Variants in ZBED6 observed in about 807,000 individuals in gnomAD.
The protein encoded by ZBED6 is zinc finger BED-type containing 6, also known as zinc finger BED domain-containing protein 6.
Under a neutral mutation model 58.4 loss-of-function variants are expected in ZBED6, and 40 were observed. The observed-to-expected ratio is 0.68, with a 90% CI of 0.53 to 0.89. The LOEUF (loss-of-function observed/expected upper bound fraction) is 0.89. ZBED6 is among the 40% of genes least tolerant of loss of function. The pLI is 0.00. For synonymous variants in ZBED6, 439 were observed against 350.6 expected, an observed-to-expected ratio of 1.25 and a Z score of -2.82; for missense variants, 1,057 against 1,003.9, an observed-to-expected ratio of 1.05 and a Z score of -0.71.
At position 203,809,481 on chromosome 1, in the gene ZBED6, CTT is replaced by C. The variant is rs556683369; in HGVS notation, c.*2554+6470_*2554+6471del. On this transcript the variant is annotated intron_variant, in intron 1 of 16. Coordinates refer to ENST00000550078, the Ensembl canonical transcript of ZBED6. The stretch of plus-strand genomic sequence containing the variant: ...CTGAGCCACCGCACCCAGCCCCACT[CTT>C]TTTTCATAGTGGTATGTTCATTTGT... 3.5e-4 allele frequency among the ~76,000 whole-genome samples: 54 copies of C among 152,154 alleles called. No homozygotes were observed. The South Asian group carries it at 0.01, about 29-fold the overall frequency.
exon 8 of ZBED6, chr1:203,831,763 C>G: frequency 1.2e-6 from 2 of 1,611,360 alleles, no homozygotes; most frequent in Non-Finnish European, 8.5e-7. Flanking sequence ...ACTCTCTCCA[C>G]CAAACAAGGT....
exon 1 of ZBED6, chr1:203,800,521 T>A (rs1670242837): frequency 7.8e-6 from 11 of 1,401,714 alleles, no homozygotes; most frequent in African/African-American, 1.5e-5. Context: ...TCTTAATAGC[T>A]GTAGTTGTTA....
chr1:203,849,344 A>G (rs557931349), intron 13 of ZBED6, among the ~76,000 whole-genome samples: 1 of 152,352 alleles, frequency 6.6e-6, no homozygotes, highest in South Asian at 2.1e-4. Context: ...TACTGACCAC[A>G]TGATTCTCCA....
intron 8 of ZBED6, among the ~76,000 whole-genome samples, 196 bp downstream of exon 8, chr1:203,831,967 C>T (rs1220059040): frequency 1.3e-5 from 2 of 152,176 alleles, no homozygotes; most frequent in African/African-American, 2.4e-5. Context: ...AAGCAGCCCT[C>T]ACATATATTT....
chr1:203,816,053 C>G (rs11799648), intron 1 of ZBED6, among the ~76,000 whole-genome samples: 1 of 152,090 alleles, frequency 6.6e-6, no homozygotes, highest in Non-Finnish European at 1.5e-5. Flanking sequence ...TAAGCTAGAT[C>G]GATAGACCTT....
rs1249303070 is a variant in ZBED6, at chr1:203,809,702, C to T, written c.*2554+6686C>T. Among the ~76,000 whole-genome samples, 4 of 152,072 alleles carry T rather than the reference C, an allele frequency of 2.6e-5. No individual in the cohort carries two copies. In the East Asian group the frequency reaches 7.7e-4, roughly 29 times the overall value. On this transcript the variant is annotated intron_variant, in intron 1 of 16. Transcript: ENST00000550078. Reference sequence around the variant, plus strand: ...GGTGCGGTGGCTCACGGCTGTAATCCTAGCACTTTGTGAGGCTGAGATGGG... The same window carrying T: ...GGTGCGGTGGCTCACGGCTGTAATCTTAGCACTTTGTGAGGCTGAGATGGG...
chr1:203,823,089 A>T (rs201777528), intron 3 of ZBED6, among the ~76,000 whole-genome samples: 1 of 286 alleles, frequency 3.5e-3, no homozygotes, highest in African/African-American at 4.5e-3. Context: ...TGAAAAGTCA[A>T]TGTTGTAACA....
At position 203,798,968 on chromosome 1, in the gene ZBED6, G is replaced by A. The variant is rs1220138078; in HGVS notation, c.1446G>A (p.Leu482=). ...ATGTTCAAAGCCAAAAGATACACCT[G>A]ACTGTTGACATATGGACCCATGACC... is the stretch of plus-strand genomic sequence containing the variant. The change falls in exon 1 of 17, where the codon CTG becomes CTA. Residue 482 remains leucine, a synonymous_variant. Transcript: ENST00000550078. 11 of 1,535,962 alleles carry A rather than the reference G, an allele frequency of 7.2e-6. No individual in the cohort carries two copies. The Admixed American group carries it at 2.0e-4, about 27-fold the overall frequency.
At chr1:203,840,443 G>C in intron 11 of ZBED6, 69 bp downstream of exon 11, 1 of 1,474,632 alleles carries the variant, frequency 6.8e-7, no homozygotes, top group Non-Finnish European at 9.3e-7. Context: ...CTTTTTCTCA[G>C]ATTTACCTGT....
At chr1:203,818,487 A>G in intron 2 of ZBED6, 83 bp from the exon 3 acceptor site, 1 of 1,580,520 alleles carries the variant, frequency 6.3e-7, no homozygotes, top group Admixed American at 1.7e-5. Flanking sequence ...GTGCTTGTCT[A>G]AATTCCAGGA....
chr1:203,826,972 C>T (rs1421468751), intron 3 of ZBED6, among the ~76,000 whole-genome samples: 2 of 152,246 alleles, frequency 1.3e-5, no homozygotes, highest in Middle Eastern at 3.4e-3. Flanking sequence ...TTGTTACTAA[C>T]CACATCCCCA....
At chr1:203,851,895 G>A (rs968656737) in intron 16 of ZBED6, among the ~76,000 whole-genome samples, 5 of 142,786 alleles carry the variant, frequency 3.5e-5, no homozygotes, top group Admixed American at 7.6e-5. Flanking sequence ...CTTGAGCCCA[G>A]GAGGTCGAGG....
exon 15 of ZBED6, chr1:203,850,630 A>G (rs1396547522): frequency 1.9e-6 from 3 of 1,614,140 alleles, no homozygotes; most frequent in Non-Finnish European, 2.5e-6. Context: ...CTGTGAAGCC[A>G]CTCAGCTCCA....
chr1:203,837,017 T>TG (rs764622514), intron 9 of ZBED6, among the ~76,000 whole-genome samples: 45 of 152,136 alleles, frequency 3.0e-4, no homozygotes, highest in Non-Finnish European at 6.2e-4. Flanking sequence ...TTAAGATTTT[T>TG]GGGGGGGCCT....
chr1:203,830,177 T>C (rs1450724203), exon 7 of ZBED6: 14 of 1,599,800 alleles, frequency 8.8e-6, no homozygotes, highest in Non-Finnish European at 1.2e-5. Context: ...TCAAAGAAAA[T>C]GAAGGAAAAA....
At chr1:203,807,287 T>A (rs1032065608) in intron 1 of ZBED6, among the ~76,000 whole-genome samples, 2 of 152,154 alleles carry the variant, frequency 1.3e-5, no homozygotes, top group African/African-American at 4.8e-5. Context: ...TTTTTAAAAT[T>A]TTTATTTATT....
intron 1 of ZBED6, among the ~76,000 whole-genome samples, chr1:203,803,666 C>T (rs1449962935): frequency 1.3e-5 from 2 of 152,166 alleles, no homozygotes; most frequent in Admixed American, 1.3e-4. Flanking sequence ...AGTGCAGTGG[C>T]ATGATCATAG....
intron 9 of ZBED6, among the ~76,000 whole-genome samples, chr1:203,837,467 T>C (rs1684735093): frequency 6.6e-6 from 1 of 151,678 alleles, no homozygotes; most frequent in Admixed American, 6.6e-5. Context: ...TTTTTTTTTT[T>C]CTTGAGAATG....
chr1:203,819,089 TACACAC>T (rs200302232), intron 3 of ZBED6, among the ~76,000 whole-genome samples: 51,255 of 140,778 alleles, frequency 0.36, 9,810 homozygotes, highest in South Asian at 0.49. Flanking sequence ...TATATATATA[TACACAC>T]ACACACACAC....
Sources: allele counts gnomAD v4.1 joint callset (sites outside exome capture counted in the v4.1 genomes callset), GRCh38; gene constraint gnomAD v4.1.1; transcripts MANE v1.5; gene names NCBI Gene and HGNC (gene_info 2026-07-23, HGNC 2026-07-21).